RPS6KC1: variants seen among roughly 807,000 people sequenced by gnomAD.
RPS6KC1 encodes inactive ribosomal protein S6 kinase delta-1.
A neutral mutation model predicts 103.8 loss-of-function variants in RPS6KC1; 54 were observed. The ratio of observed to expected loss-of-function variants is 0.52; its 90% CI spans 0.42 to 0.65. The LOEUF (loss-of-function observed/expected upper bound fraction) is 0.65. Ranked by LOEUF, RPS6KC1 falls within the 30% of genes least tolerant of loss-of-function variation. The pLI is 0.00. For missense variants in RPS6KC1, 1,151 were observed against 1,253.8 expected (o/e 0.92, Z 1.24); for synonymous variants, 439 against 438.7 (o/e 1.00, Z -0.01).
the RPS6KC1 span, among the ~76,000 whole-genome samples, chr1:213,790,368 C>T: frequency 6.6e-6 from 1 of 152,088 alleles, no homozygotes; most frequent in African/African-American, 2.4e-5. Flanking sequence ...TTCTCTTTAT[C>T]ATCATTGGTG....
At chr1:213,662,428 A>ATTTTTTTT in the RPS6KC1 span, among the ~76,000 whole-genome samples, 14 of 120,920 alleles carry the variant, frequency 1.2e-4, no homozygotes, top group East Asian at 2.4e-4. Flanking sequence ...CACCTGGCTA[A>ATTTTTTTT]TTTTTTTTTT....
chr1:213,290,202 C>G, the RPS6KC1 span, among the ~76,000 whole-genome samples: 1 of 150,516 alleles, frequency 6.6e-6, no homozygotes, highest in Non-Finnish European at 1.5e-5. Flanking sequence ...GGGCATTTTC[C>G]TGTAAAGGCA....
chr1:213,261,405 A>T (rs2094793076), intron 12 of RPS6KC1, among the ~76,000 whole-genome samples, 153 bp from the exon 13 acceptor site: 1 of 152,206 alleles, frequency 6.6e-6, no homozygotes, highest in African/African-American at 2.4e-5. Flanking sequence ...TAGGTGACCA[A>T]AGGGATAAGT....
the RPS6KC1 span, among the ~76,000 whole-genome samples, chr1:213,409,929 G>T: frequency 6.6e-6 from 1 of 152,222 alleles, no homozygotes; most frequent in African/African-American, 2.4e-5. Flanking sequence ...TTGGGAGGCT[G>T]AGGCAGGAGG....
At chr1:213,262,115 T>C (rs1486168792) in intron 13 of RPS6KC1, among the ~76,000 whole-genome samples, 1 of 152,192 alleles carries the variant, frequency 6.6e-6, no homozygotes, top group Non-Finnish European at 1.5e-5. Flanking sequence ...GAAATTATAC[T>C]CTCAGATGAA....
chr1:213,620,712 G>T, the RPS6KC1 span, among the ~76,000 whole-genome samples: 2 of 152,162 alleles, frequency 1.3e-5, no homozygotes, highest in Non-Finnish European at 2.9e-5. Context: ...TTTTTAGTTT[G>T]CATGTAAAGA....
intron 8 of RPS6KC1, among the ~76,000 whole-genome samples, chr1:213,227,210 G>A (rs2093982844): frequency 6.6e-6 from 1 of 152,152 alleles, no homozygotes; most frequent in Non-Finnish European, 1.5e-5. Flanking sequence ...TGTGTCTTTA[G>A]TTTTTATCTT....
At chr1:213,741,399 A>G in the RPS6KC1 span, among the ~76,000 whole-genome samples, 1 of 152,090 alleles carries the variant, frequency 6.6e-6, no homozygotes, top group African/African-American at 2.4e-5. Flanking sequence ...AAGCTATTGA[A>G]CCCATCTCTT....
chr1:213,356,430 A>C, the RPS6KC1 span, among the ~76,000 whole-genome samples: 6 of 152,056 alleles, frequency 3.9e-5, no homozygotes, highest in Non-Finnish European at 7.4e-5. Context: ...CCGAGGCAGC[A>C]GATCACCTGA....
At chr1:213,380,924 C>G in the RPS6KC1 span, among the ~76,000 whole-genome samples, 1 of 152,174 alleles carries the variant, frequency 6.6e-6, no homozygotes, top group Non-Finnish European at 1.5e-5. Context: ...GCCGTGGGGT[C>G]TTAGGGAACA....
At chr1:213,855,825 A>T in the RPS6KC1 span, among the ~76,000 whole-genome samples, 1 of 152,208 alleles carries the variant, frequency 6.6e-6, no homozygotes, top group East Asian at 1.9e-4. Flanking sequence ...GCAATGCTGT[A>T]CTAGGCTCTG....
At chr1:213,194,915 T>A (rs1290046171) in intron 8 of RPS6KC1, among the ~76,000 whole-genome samples, 2 of 152,042 alleles carry the variant, frequency 1.3e-5, no homozygotes, top group Non-Finnish European at 2.9e-5. Flanking sequence ...GCCAAAAAGG[T>A]TGGTGACTGC....
the RPS6KC1 span, among the ~76,000 whole-genome samples, chr1:213,692,085 G>A: frequency 1.6e-4 from 24 of 152,200 alleles, no homozygotes; most frequent in Non-Finnish European, 2.5e-4. Context: ...GGCAAATTTT[G>A]GAACAGGAGT....
the RPS6KC1 span, among the ~76,000 whole-genome samples, chr1:213,637,713 G>A: frequency 1.3e-5 from 2 of 152,098 alleles, no homozygotes; most frequent in African/African-American, 2.4e-5. Flanking sequence ...GAGACTTTCA[G>A]TTGCTCTGTA....
chr1:213,742,340 A>G, the RPS6KC1 span, among the ~76,000 whole-genome samples: 3 of 152,174 alleles, frequency 2.0e-5, no homozygotes, highest in East Asian at 1.9e-4. Flanking sequence ...GTGGAGTGAA[A>G]CTGTTACAGT....
intron 1 of RPS6KC1, among the ~76,000 whole-genome samples, chr1:213,057,516 C>T (rs2077431619): frequency 6.6e-6 from 1 of 152,050 alleles, no homozygotes; most frequent in Non-Finnish European, 1.5e-5. Context: ...TGGCAAGCAG[C>T]GATCTATCTA....
At chr1:213,367,599 G>A in the RPS6KC1 span, among the ~76,000 whole-genome samples, 2 of 152,176 alleles carry the variant, frequency 1.3e-5, no homozygotes, top group African/African-American at 2.4e-5. Flanking sequence ...AAGATAAGGC[G>A]CTTACCCCAG....
chr1:213,583,820 C>CAA, the RPS6KC1 span, among the ~76,000 whole-genome samples: 244 of 76,462 alleles, frequency 3.2e-3, 3 homozygotes, highest in African/African-American at 5.7e-3. Context: ...GATTCTGTCT[C>CAA]AAAAAAAAAA....
At chr1:213,326,834 C>T in the RPS6KC1 span, among the ~76,000 whole-genome samples, 1 of 152,164 alleles carries the variant, frequency 6.6e-6, no homozygotes, top group African/African-American at 2.4e-5. Flanking sequence ...GGTAGTTTGG[C>T]CTCACAGATT....
Sources: allele counts gnomAD v4.1 joint callset (sites outside exome capture counted in the v4.1 genomes callset), GRCh38; gene constraint gnomAD v4.1.1; transcripts MANE v1.5; gene names NCBI Gene and HGNC (gene_info 2026-07-23, HGNC 2026-07-21).